RBFOX1: variants seen among roughly 807,000 people sequenced by gnomAD.
The protein encoded by RBFOX1 is RNA binding fox-1 homolog 1.
Under a neutral mutation model 57.7 loss-of-function variants are expected in RBFOX1, and 8 were observed. The ratio of observed to expected loss-of-function variants is 0.14; its 90% CI spans 0.08 to 0.25. The LOEUF (loss-of-function observed/expected upper bound fraction) is 0.25. Ranked by LOEUF, RBFOX1 falls within the 10% of genes least tolerant of loss-of-function variation. The pLI is 1.00. For missense variants in RBFOX1, 611 were observed against 548.5 expected (o/e 1.11, Z -1.14); for synonymous variants, 326 against 222.4 (o/e 1.47, Z -4.15).
chr16:5,989,854 A>ACG (rs2060358357), intron 4 of RBFOX1, among the ~76,000 whole-genome samples: 1 of 104,190 alleles, frequency 9.6e-6, no homozygotes, highest in Non-Finnish European at 1.9e-5. Flanking sequence ...ACACACACAC[A>ACG]CACACACACA....
chr16:5,368,218 C>G (rs1426818086), intron 1 of RBFOX1, among the ~76,000 whole-genome samples: 6 of 152,198 alleles, frequency 3.9e-5, no homozygotes. Context: ...TATCTTGAAT[C>G]ATTGGAGAAG....
At chr16:5,752,956 C>T (rs1249418033) in intron 3 of RBFOX1, among the ~76,000 whole-genome samples, 1 of 152,000 alleles carries the variant, frequency 6.6e-6, no homozygotes, top group Non-Finnish European at 1.5e-5. Flanking sequence ...CAAGACCAGC[C>T]TGCTCTTGAA....
chr16:7,225,921 A>ATATATATATAT (rs1567789355), intron 4 of RBFOX1, among the ~76,000 whole-genome samples: 72 of 73,172 alleles, frequency 9.8e-4, no homozygotes, highest in African/African-American at 7.2e-3. Flanking sequence ...TATATATATA[A>ATATATATATAT]ATGTGAATGT....
intron 1 of RBFOX1, among the ~76,000 whole-genome samples, chr16:6,066,572 C>G (rs566988728): frequency 6.6e-6 from 1 of 152,198 alleles, no homozygotes; most frequent in Non-Finnish European, 1.5e-5. Flanking sequence ...AATACATTAT[C>G]TGGAAAAATG....
chr16:7,262,548 C>A (rs974649310), intron 4 of RBFOX1, among the ~76,000 whole-genome samples: 1 of 152,276 alleles, frequency 6.6e-6, no homozygotes, highest in Admixed American at 6.5e-5. Context: ...TAGCACCCCA[C>A]TTTGTGGGGC....
At chr16:7,684,496 C>A (rs1407126652) in intron 14 of RBFOX1, among the ~76,000 whole-genome samples, 2 of 151,902 alleles carry the variant, frequency 1.3e-5, no homozygotes, top group South Asian at 2.1e-4. Flanking sequence ...ATAATCAAAG[C>A]CAAATATTCT....
rs8055208 is a variant in RBFOX1 at position 6,450,835 on chromosome 16, A to G, written c.-64+133778A>G. On this transcript the variant is annotated intron_variant, in intron 2 of 15. Transcript: ENST00000550418. ...TATATATACATATATATATATATAT[A>G]TGTGTATATATATATATATATATAT... is the stretch of plus-strand genomic sequence containing the variant. Among the ~76,000 whole-genome samples, 193 of 19,806 alleles carry G rather than the reference A, an allele frequency of 9.7e-3. 23 individuals are homozygous for G. Among genetic ancestry groups the G allele is most frequent in the African/African-American group, 0.033 (140 of 4,206 alleles). 13.0% of individuals were successfully genotyped at this position (19,806 alleles called of 152,430 possible).
intron 3 of RBFOX1, among the ~76,000 whole-genome samples, chr16:5,624,349 C>T (rs556014972): frequency 2.0e-5 from 3 of 152,328 alleles, no homozygotes; most frequent in African/African-American, 4.8e-5. Context: ...CACCTACTAC[C>T]GTGCCCAACT....
At chr16:6,843,227 A>G (rs1488248210) in intron 3 of RBFOX1, among the ~76,000 whole-genome samples, 1 of 152,068 alleles carries the variant, frequency 6.6e-6, no homozygotes, top group Non-Finnish European at 1.5e-5. Flanking sequence ...AAATCTCTTT[A>G]TTTCTGTGAA....
intron 4 of RBFOX1, among the ~76,000 whole-genome samples, chr16:7,228,187 G>A (rs2093272101): frequency 6.6e-6 from 1 of 152,124 alleles, no homozygotes; most frequent in Non-Finnish European, 1.5e-5. Flanking sequence ...TTTGGTCGTG[G>A]TTGTGTGCCA....
At chr16:6,506,234 C>G (rs1208708002) in intron 2 of RBFOX1, among the ~76,000 whole-genome samples, 1 of 152,060 alleles carries the variant, frequency 6.6e-6, no homozygotes, top group Non-Finnish European at 1.5e-5. Flanking sequence ...GTCAGTGCTT[C>G]TGGACTAAGG....
At chr16:6,413,664 G>C (rs1680884086) in intron 2 of RBFOX1, among the ~76,000 whole-genome samples, 1 of 152,308 alleles carries the variant, frequency 6.6e-6, no homozygotes, top group African/African-American at 2.4e-5. Flanking sequence ...CATTGAATGA[G>C]AGCCATTTTG....
At chr16:5,380,604 G>A (rs2066106843) in intron 1 of RBFOX1, among the ~76,000 whole-genome samples, 2 of 152,198 alleles carry the variant, frequency 1.3e-5, no homozygotes, top group South Asian at 4.1e-4. Flanking sequence ...CCCACTGTGT[G>A]CAGGCTCAGA....
intron 3 of RBFOX1, among the ~76,000 whole-genome samples, chr16:6,911,919 C>G (rs899244422): frequency 3.9e-5 from 6 of 152,090 alleles, no homozygotes; most frequent in Non-Finnish European, 4.4e-5. Flanking sequence ...ATAGAAGACA[C>G]AGTGTAAGAT....
intron 4 of RBFOX1, among the ~76,000 whole-genome samples, chr16:7,215,099 C>T (rs1323161548): frequency 1.3e-5 from 2 of 152,104 alleles, no homozygotes; most frequent in South Asian, 2.1e-4. Context: ...TGATGTTCGC[C>T]TCCCTACGTC....
At chr16:5,849,939 T>G (rs2056851861) in intron 3 of RBFOX1, among the ~76,000 whole-genome samples, 1 of 152,340 alleles carries the variant, frequency 6.6e-6, no homozygotes, top group East Asian at 1.9e-4. Flanking sequence ...GAATGTTATA[T>G]TTCGGATTTG....
chr16:6,718,600 A>T (rs2065303284), intron 3 of RBFOX1, among the ~76,000 whole-genome samples: 2 of 152,112 alleles, frequency 1.3e-5, no homozygotes, highest in Admixed American at 1.3e-4. Flanking sequence ...TTAAGTTGTA[A>T]TCCCCAATAT....
intron 4 of RBFOX1, among the ~76,000 whole-genome samples, chr16:7,215,211 C>T (rs948276317): frequency 6.6e-6 from 1 of 152,184 alleles, no homozygotes; most frequent in African/African-American, 2.4e-5. Context: ...TCAGCTTCAT[C>T]CGTGTCTCCA....
At chr16:5,509,995 C>T (rs1304056704) in intron 2 of RBFOX1, among the ~76,000 whole-genome samples, 1 of 152,172 alleles carries the variant, frequency 6.6e-6, no homozygotes, top group Non-Finnish European at 1.5e-5. Flanking sequence ...GCCAGAGTGC[C>T]TGTGTGCAGA....
Sources: allele counts gnomAD v4.1 joint callset (sites outside exome capture counted in the v4.1 genomes callset), GRCh38; gene constraint gnomAD v4.1.1; transcripts MANE v1.5; gene names NCBI Gene and HGNC (gene_info 2026-07-23, HGNC 2026-07-21).